Variants in ZNF354B observed in about 807,000 individuals in gnomAD.
ZNF354B encodes the protein zinc finger protein 354B.
ZNF354B carries 10 observed loss-of-function variants against 12.9 expected under a neutral mutation model. That is an observed-to-expected ratio of 0.77 (90% CI 0.48 to 1.31). The LOEUF is 1.31. Among genes scored for constraint, ZNF354B ranks in the 40% most tolerant of loss-of-function variants. The pLI is 0.00. For missense variants in ZNF354B, 614 were observed against 711.7 expected (o/e 0.86, Z 1.56); for synonymous variants, 260 against 243.7 (o/e 1.07, Z -0.62).
At chr5:178,864,923 A>G (rs960556764) in intron 2 of ZNF354B, among the ~76,000 whole-genome samples, 2 of 147,928 alleles carry the variant, frequency 1.4e-5, no homozygotes, top group African/African-American at 2.6e-5. Flanking sequence ...ACACCTGGCC[A>G]GAAACATTTT....
intron 2 of ZNF354B, among the ~76,000 whole-genome samples, chr5:178,863,314 A>G (rs143129244): frequency 4.9e-4 from 75 of 152,316 alleles, no homozygotes; most frequent in African/African-American, 1.8e-3. Context: ...ATGTATGTGT[A>G]TGTTTATATA....
chr5:178,863,101 T>C (rs928227195), intron 2 of ZNF354B, among the ~76,000 whole-genome samples: 2 of 152,230 alleles, frequency 1.3e-5, no homozygotes, highest in African/African-American at 4.8e-5. Flanking sequence ...AGTCCGCCAG[T>C]CAGATTATAC....
chr5:178,878,377 C>T (rs963778630), intron 4 of ZNF354B, among the ~76,000 whole-genome samples: 3 of 148,338 alleles, frequency 2.0e-5, no homozygotes, highest in Non-Finnish European at 4.5e-5. Context: ...AGCGAGACTC[C>T]GTCTCAAAAA....
intron 4 of ZNF354B, among the ~76,000 whole-genome samples, chr5:178,881,208 G>A (rs1757711882): frequency 6.6e-6 from 1 of 152,098 alleles, no homozygotes; most frequent in Admixed American, 6.5e-5. Context: ...TCTGTCATTT[G>A]TCAATGTCTT....
At chr5:178,876,134 G>A (rs1561669714) in intron 4 of ZNF354B, among the ~76,000 whole-genome samples, 2 of 152,218 alleles carry the variant, frequency 1.3e-5, no homozygotes, top group Non-Finnish European at 1.5e-5. Flanking sequence ...GTGGTGGAGG[G>A]GCTATGGGTT....
intron 2 of ZNF354B, among the ~76,000 whole-genome samples, chr5:178,865,591 C>G (rs1409768413): frequency 6.8e-6 from 1 of 147,414 alleles, no homozygotes; most frequent in Non-Finnish European, 1.5e-5. Flanking sequence ...TGCTTCGCCT[C>G]TCAGTGACTT....
intron 4 of ZNF354B, among the ~76,000 whole-genome samples, chr5:178,878,466 C>T (rs1757673553): frequency 6.6e-6 from 1 of 151,996 alleles, no homozygotes; most frequent in Admixed American, 6.6e-5. Flanking sequence ...GTCACACATC[C>T]ATCATTATCT....
chr5:178,862,208 C>G (rs1378342066), intron 2 of ZNF354B, among the ~76,000 whole-genome samples: 1 of 152,054 alleles, frequency 6.6e-6, no homozygotes, highest in Non-Finnish European at 1.5e-5. Context: ...TGTGAGGAAA[C>G]TGAGGCTCAG....
At chr5:178,862,962 G>A (rs74734867) in intron 2 of ZNF354B, among the ~76,000 whole-genome samples, 22,566 of 152,138 alleles carry the variant, frequency 0.15, 2,055 homozygotes, top group African/African-American at 0.25. Context: ...TTAGAAAACC[G>A]GAGTTATGAT....
intron 2 of ZNF354B, among the ~76,000 whole-genome samples, chr5:178,862,443 TGCAACCTCCGCCTCCCTGGTTCAA>T (rs1757372593): frequency 1.3e-5 from 2 of 148,266 alleles, no homozygotes; most frequent in African/African-American, 5.0e-5. Context: ...CTCGGCTCAC[TGCAACCTCCGCCTCCCTGGTTCAA>T]GCAATTCCCC....
chr5:178,861,622 G>A (rs1757349852), intron 2 of ZNF354B, among the ~76,000 whole-genome samples: 1 of 152,078 alleles, frequency 6.6e-6, no homozygotes, highest in South Asian at 2.1e-4. Context: ...TTCTAGTTGA[G>A]ACGAGAGTGA....
intron 2 of ZNF354B, among the ~76,000 whole-genome samples, chr5:178,861,389 C>T (rs988779601): frequency 1.3e-5 from 2 of 152,232 alleles, no homozygotes; most frequent in African/African-American, 2.4e-5. Context: ...CCTGCCTCCT[C>T]CACTCACCCA....
chr5:178,868,392 G>T (rs994978302), intron 4 of ZNF354B, among the ~76,000 whole-genome samples: 2 of 150,090 alleles, frequency 1.3e-5, no homozygotes, highest in African/African-American at 2.5e-5. Flanking sequence ...TGGTTGAACT[G>T]GGGGGGCTCT....
chr5:178,862,400 T>G (rs1441529417), intron 2 of ZNF354B, among the ~76,000 whole-genome samples: 2 of 144,868 alleles, frequency 1.4e-5, no homozygotes, highest in African/African-American at 5.2e-5. Context: ...GCAGTCTTGC[T>G]CTGTCACCCA....
intron 4 of ZNF354B, among the ~76,000 whole-genome samples, chr5:178,871,059 C>T (rs1330693197): frequency 6.6e-6 from 1 of 152,204 alleles, no homozygotes; most frequent in Non-Finnish European, 1.5e-5. Flanking sequence ...AACATCTCTT[C>T]TCTTCATAAC....
chr5:178,883,561 G>A lies in ZNF354B; in HGVS notation c.1109G>A (p.Arg370His), dbSNP rs570095961. 2.9e-5 allele frequency: 46 copies of A among 1,613,902 alleles called. No homozygotes were observed. The highest frequency in any genetic ancestry group is 1.1e-4 in the African/African-American group (8 of 74,972). Reference protein sequence around the residue: ...GNTFKSSSSLRYHQRIHTGEK... With the variant: ...GNTFKSSSSLHYHQRIHTGEK... The stretch of plus-strand genomic sequence containing the variant: ...ACCTTTAAGTCTAGCTCATCCCTTC[G>A]TTATCATCAGAGAATTCACACTGGA... The change falls in exon 5 of 5, where the codon CGT becomes CAT. Residue 370 changes from arginine (R) to histidine (H), a missense_variant. Transcript: ENST00000322434.
rs138490832 is a variant in ZNF354B, at chr5:178,867,640, G to C, written c.256+569G>C. ...TTACTCTGGTGAGCATCACCACCCT[G>C]AAAACAAGAGTCCAGGGACGTGGAC... On this transcript the variant is annotated intron_variant, in intron 4 of 4. Coordinates refer to ENST00000322434, the MANE Select transcript of ZNF354B (RefSeq NM_058230.3). Among the ~76,000 whole-genome samples the C allele has an allele frequency of 4.7e-3, 713 of 152,326 alleles. 6 individuals carry two copies. The highest frequency in any genetic ancestry group is 0.016 in the African/African-American group (675 of 41,572).
chr5:178,867,688 G>A (rs894283582), intron 4 of ZNF354B, among the ~76,000 whole-genome samples: 2 of 152,286 alleles, frequency 1.3e-5, no homozygotes, highest in East Asian at 3.9e-4. Context: ...AAGTTACAGA[G>A]CATTGTTGGG....
At chr5:178,879,312 G>T (rs1315397627) in intron 4 of ZNF354B, among the ~76,000 whole-genome samples, 1 of 152,162 alleles carries the variant, frequency 6.6e-6, no homozygotes, top group Non-Finnish European at 1.5e-5. Context: ...CTCCCAAAGT[G>T]CTAGGATTAC....
Sources: gnomAD v4.1 joint callset for allele counts (sites outside exome capture counted in the v4.1 genomes callset) on GRCh38, gnomAD v4.1.1 for gene constraint, MANE v1.5 for transcripts, NCBI Gene and HGNC (gene_info 2026-07-23, HGNC 2026-07-21) for gene names.